The following SCUBE1 variants were observed in gnomAD, a reference collection of about 807,000 sequenced individuals.
SCUBE1 encodes signal peptide, CUB and EGF-like domain-containing protein 1.
A neutral mutation model predicts 124.4 loss-of-function variants in SCUBE1; 59 were observed. That is an observed-to-expected ratio of 0.47 (90% CI 0.38 to 0.59). The LOEUF (loss-of-function observed/expected upper bound fraction) is 0.59. Among genes scored for constraint, SCUBE1 ranks in the 20% least tolerant of loss-of-function variants. SCUBE1 has a pLI of 0.00. For missense variants in SCUBE1, 1,150 were observed against 1,371.2 expected, an observed-to-expected ratio of 0.84 and a Z score of 2.55; for synonymous variants, 545 against 550.9, an observed-to-expected ratio of 0.99 and a Z score of 0.15.
intron 19 of SCUBE1, among the ~76,000 whole-genome samples, chr22:43,209,350 G>C (rs1296859938): frequency 1.3e-5 from 2 of 152,190 alleles, no homozygotes; most frequent in South Asian, 2.1e-4. Context: ...CCCACAGCCC[G>C]ACAGCAGCGA....
intron 2 of SCUBE1, among the ~76,000 whole-genome samples, chr22:43,337,659 C>T (rs1269240514): frequency 6.6e-6 from 1 of 152,216 alleles, no homozygotes; most frequent in Non-Finnish European, 1.5e-5. Flanking sequence ...TATTACCCAA[C>T]CAGGCATGAT....
At chr22:43,206,473 G>A (rs931998874) in intron 21 of SCUBE1, among the ~76,000 whole-genome samples, 4 of 152,160 alleles carry the variant, frequency 2.6e-5, no homozygotes, top group African/African-American at 4.8e-5. Context: ...TGGGGGCAGG[G>A]ACTAAATATT....
chr22:43,203,110 C>A lies in SCUBE1; in HGVS notation c.*887G>T, dbSNP rs1023921268. 1 of 152,270 alleles carries A rather than the reference C, an allele frequency of 6.6e-6. No homozygotes were observed. The highest frequency in any genetic ancestry group is 1.5e-5 in the Non-Finnish European group (1 of 68,056). The allele number at this position is 152,270 out of a possible 1,614,324, so 9.4% of individuals were successfully genotyped here. On this transcript the variant is annotated 3_prime_UTR_variant, in exon 22 of 22. Transcript: ENST00000360835. ...GGGTGAGGCCAACACTCCAGCAGAGCATCTGAGCCTAGTTCTCGAAGAATT... is the reference window on the plus strand; with the variant it reads ...GGGTGAGGCCAACACTCCAGCAGAGAATCTGAGCCTAGTTCTCGAAGAATT...
chr22:43,248,462 T>C (rs950876191), intron 6 of SCUBE1, among the ~76,000 whole-genome samples: 2 of 152,186 alleles, frequency 1.3e-5, no homozygotes, highest in African/African-American at 4.8e-5. Context: ...CATCACCTAC[T>C]TCCCCCTACA....
intron 3 of SCUBE1, among the ~76,000 whole-genome samples, chr22:43,316,113 T>C (rs1926339214): frequency 6.6e-6 from 1 of 152,112 alleles, no homozygotes; most frequent in South Asian, 2.1e-4. Context: ...TGGTTACATG[T>C]TGAATATTTG....
chr22:43,305,850 G>A (rs1925948596), intron 3 of SCUBE1, among the ~76,000 whole-genome samples: 1 of 152,200 alleles, frequency 6.6e-6, no homozygotes, highest in Non-Finnish European at 1.5e-5. Flanking sequence ...AGGCCAAGCA[G>A]CTGGGCTGCT....
intron 3 of SCUBE1, among the ~76,000 whole-genome samples, chr22:43,317,319 C>T (rs138724259): frequency 5.9e-5 from 9 of 152,294 alleles, no homozygotes; most frequent in African/African-American, 1.9e-4. Context: ...TCCTCACACG[C>T]GATCTTGGGA....
chr22:43,335,070 T>C (rs191174079), intron 2 of SCUBE1, among the ~76,000 whole-genome samples: 118 of 152,226 alleles, frequency 7.8e-4, no homozygotes, highest in African/African-American at 2.6e-3. Flanking sequence ...AACAGGTCTG[T>C]CAAACCTGGG....
rs1423420740 is a variant in SCUBE1, at chr22:43,203,334, T to C, written c.*663A>G. Reference sequence around the variant, plus strand: ...TCATATTTACAGTGACCAAAGGGCATTTTCCTAAAGTACCCACAAATAGAA... The same window carrying C: ...TCATATTTACAGTGACCAAAGGGCACTTTCCTAAAGTACCCACAAATAGAA... On this transcript the variant is annotated 3_prime_UTR_variant, in exon 22 of 22. Coordinates refer to ENST00000360835, the MANE Select transcript of SCUBE1 (RefSeq NM_173050.5). The C allele has an allele frequency of 6.6e-6, 1 of 150,398 alleles. No individual in the cohort carries two copies. Among genetic ancestry groups the C allele is most frequent in the Non-Finnish European group, 1.5e-5 (1 of 67,632 alleles). The allele number at this position is 150,398 out of a possible 1,614,324, so 9.3% of individuals were successfully genotyped here. A position where few individuals can be genotyped will look rare whatever the true frequency, so the allele number is the denominator to read the frequency against.
chr22:43,308,741 G>A (rs565224194), intron 3 of SCUBE1, among the ~76,000 whole-genome samples: 11 of 152,308 alleles, frequency 7.2e-5, no homozygotes, highest in Admixed American at 3.3e-4. Context: ...AGGCCCCATC[G>A]GGAGTCCCCC....
chr22:43,280,757 C>G lies in SCUBE1; in HGVS notation c.484+10289G>C, dbSNP rs62232106. 8.4e-3 allele frequency among the ~76,000 whole-genome samples: 576 copies of G among 68,788 alleles called. 11 individuals are homozygous for G. Among genetic ancestry groups the G allele is most frequent in the South Asian group, 0.021 (31 of 1,510 alleles). The allele number at this position is 68,788 out of a possible 152,430, so 45.1% of individuals were successfully genotyped here. A position where few individuals can be genotyped will look rare whatever the true frequency, so the allele number is the denominator to read the frequency against. ...TCCTCCTCGGCCACCCTCCTGTCAC[C>G]TCCCTCATTGGCCACCCTCCTGTCA... On this transcript the variant is annotated intron_variant, in intron 4 of 21. Transcript: ENST00000360835.
chr22:43,206,780 C>G (rs1004582451), intron 21 of SCUBE1, among the ~76,000 whole-genome samples: 1 of 152,068 alleles, frequency 6.6e-6, no homozygotes, highest in Non-Finnish European at 1.5e-5. Flanking sequence ...GCGATGCTCC[C>G]AGGGCGGAGC....
intron 4 of SCUBE1, among the ~76,000 whole-genome samples, chr22:43,285,002 C>T (rs555535697): frequency 1.3e-5 from 2 of 152,156 alleles, no homozygotes; most frequent in African/African-American, 2.4e-5. Flanking sequence ...AAACTCCGAA[C>T]GTTAACCAGA....
rs773854833 is a variant in SCUBE1, at chr22:43,262,853, G to A, written c.485-8C>T. ...TCATGCAGTTCATACCCTCTGGGAA[G>A]AGAGACAGACAAGAGACGGGTTGAA... is the stretch of plus-strand genomic sequence containing the variant. On this transcript the variant is annotated splice_region_variant and splice_polypyrimidine_tract_variant and intron_variant, in intron 4 of 21. Coordinates refer to ENST00000360835, the MANE Select transcript of SCUBE1 (RefSeq NM_173050.5). The A allele has an allele frequency of 3.7e-6, 6 of 1,607,836 alleles. No homozygotes were observed. The highest frequency in any genetic ancestry group is 4.3e-6 in the Non-Finnish European group (5 of 1,174,722).
At chr22:43,325,058 CG>C (rs1926677151) in intron 2 of SCUBE1, among the ~76,000 whole-genome samples, 1 of 151,070 alleles carries the variant, frequency 6.6e-6, no homozygotes, top group South Asian at 2.1e-4. Context: ...CACAGACACG[CG>C]GAGAGAAGGC....
intron 10 of SCUBE1, 72 bp from the exon 11 acceptor site, chr22:43,223,288 G>C (rs1428165430): frequency 1.3e-6 from 2 of 1,501,892 alleles, no homozygotes; most frequent in Non-Finnish European, 1.8e-6. Context: ...GAGGGTCCTG[G>C]GTATGGCCTA....
chr22:43,261,525 G>GCACC (rs773861475), intron 5 of SCUBE1, among the ~76,000 whole-genome samples: 36 of 152,294 alleles, frequency 2.4e-4, no homozygotes, highest in Admixed American at 5.9e-4. Flanking sequence ...GTATGGCAAG[G>GCACC]CACCCACAGG....
intron 3 of SCUBE1, among the ~76,000 whole-genome samples, chr22:43,313,964 A>C (rs77912589): frequency 0.014 from 2,096 of 152,342 alleles, 64 homozygotes; most frequent in African/African-American, 0.048. Context: ...TAAGGAATTC[A>C]GTGGTGGTTC....
intron 9 of SCUBE1, 111 bp downstream of exon 9, chr22:43,228,961 C>T (rs1922438218): frequency 2.6e-6 from 2 of 772,896 alleles, no homozygotes; most frequent in Admixed American, 2.1e-5. Context: ...GCTGAGGCCT[C>T]AGGCCCCCCA....
Sources: gnomAD v4.1 joint callset for allele counts (sites outside exome capture counted in the v4.1 genomes callset) on GRCh38, gnomAD v4.1.1 for gene constraint, MANE v1.5 for transcripts, NCBI Gene and HGNC (gene_info 2026-07-23, HGNC 2026-07-21) for gene names.